The following SCPPPQ1 variants were observed in gnomAD, a reference collection of about 807,000 sequenced individuals.
SCPPPQ1 encodes the protein secretory calcium-binding phosphoprotein proline- and glutamine-rich 1.
At chr4:87,467,221 T>C in the SCPPPQ1 span, among the ~76,000 whole-genome samples, 2 of 152,188 alleles carry the variant, frequency 1.3e-5, no homozygotes, top group South Asian at 4.1e-4. Flanking sequence ...CTTATACTGT[T>C]TGTACCTCAA....
the SCPPPQ1 span, among the ~76,000 whole-genome samples, chr4:87,463,424 T>C: frequency 6.6e-6 from 1 of 152,114 alleles, no homozygotes; most frequent in African/African-American, 2.4e-5. Context: ...CCCTAGTTGG[T>C]TCAAAATAGC....
At chr4:87,465,783 G>A in the SCPPPQ1 span, among the ~76,000 whole-genome samples, 3 of 152,072 alleles carry the variant, frequency 2.0e-5, no homozygotes, top group Non-Finnish European at 4.4e-5. Flanking sequence ...TTAGAATCTA[G>A]TGGGTTCAAT....
chr4:87,464,846 C>T, the SCPPPQ1 span, among the ~76,000 whole-genome samples: 1 of 152,084 alleles, frequency 6.6e-6, no homozygotes, highest in African/African-American at 2.4e-5. Context: ...AAAACAACAA[C>T]AGAAAATCAT....
At chr4:87,461,247 G>A in the SCPPPQ1 span, among the ~76,000 whole-genome samples, 1 of 152,196 alleles carries the variant, frequency 6.6e-6, no homozygotes, top group Admixed American at 6.5e-5. Context: ...ATTTAGAAAG[G>A]TTGCCCGCAG....
the SCPPPQ1 span, among the ~76,000 whole-genome samples, chr4:87,465,557 T>A: frequency 8.6e-4 from 10 of 11,674 alleles, no homozygotes; most frequent in East Asian, 0.018. Flanking sequence ...AATAGAAATC[T>A]ACAAAAAAAA....
At chr4:87,468,441 C>T in the SCPPPQ1 span, among the ~76,000 whole-genome samples, 1 of 152,206 alleles carries the variant, frequency 6.6e-6, no homozygotes, top group Non-Finnish European at 1.5e-5. Flanking sequence ...TCTTCAAAAG[C>T]TCCTTTGATA....
the SCPPPQ1 span, among the ~76,000 whole-genome samples, chr4:87,464,278 A>G: frequency 6.6e-6 from 1 of 152,114 alleles, no homozygotes; most frequent in Non-Finnish European, 1.5e-5. Flanking sequence ...TATATATTTT[A>G]TATTAGCTTG....
the SCPPPQ1 span, among the ~76,000 whole-genome samples, chr4:87,469,933 C>T: frequency 3.4e-4 from 50 of 145,438 alleles, no homozygotes; most frequent in African/African-American, 1.1e-3. Context: ...CGTTTGTGAT[C>T]TCTACACACA....
chr4:87,467,298 C>A, the SCPPPQ1 span, among the ~76,000 whole-genome samples: 25 of 152,206 alleles, frequency 1.6e-4, no homozygotes, highest in Non-Finnish European at 2.1e-4. Flanking sequence ...AAAGGCAACT[C>A]TATTGTGTAT....
At chr4:87,469,947 C>CTTTTTT in the SCPPPQ1 span, among the ~76,000 whole-genome samples, 3 of 114,968 alleles carry the variant, frequency 2.6e-5, no homozygotes, top group Non-Finnish European at 3.6e-5. Flanking sequence ...ACACACAAAT[C>CTTTTTT]TTTTTTTTTT....
the SCPPPQ1 span, among the ~76,000 whole-genome samples, chr4:87,465,654 ATCCT>A: frequency 6.6e-6 from 1 of 151,446 alleles, no homozygotes; most frequent in Admixed American, 6.6e-5. Flanking sequence ...ACATTCACTC[ATCCT>A]TCCACCCATC....
chr4:87,464,192 A>G, the SCPPPQ1 span, among the ~76,000 whole-genome samples: 1 of 152,182 alleles, frequency 6.6e-6, no homozygotes, highest in South Asian at 2.1e-4. Flanking sequence ...TAAGATCATT[A>G]GGTGTGAGGA....
chr4:87,469,947 C>CT, the SCPPPQ1 span, among the ~76,000 whole-genome samples: 376 of 114,930 alleles, frequency 3.3e-3, no homozygotes, highest in South Asian at 4.0e-3. Flanking sequence ...ACACACAAAT[C>CT]TTTTTTTTTT....
the SCPPPQ1 span, among the ~76,000 whole-genome samples, chr4:87,463,194 A>C: frequency 1.6e-4 from 24 of 152,206 alleles, no homozygotes; most frequent in East Asian, 7.7e-4. Context: ...AGATCAGTTG[A>C]GGTTGACTCT....
At chr4:87,462,012 A>C in the SCPPPQ1 span, 1 of 152,198 alleles carries the variant, frequency 6.6e-6, no homozygotes, top group Non-Finnish European at 1.5e-5. Flanking sequence ...TTTCTGTCAA[A>C]ATAGATAATA....
the SCPPPQ1 span, among the ~76,000 whole-genome samples, chr4:87,464,692 G>T: frequency 1.3e-5 from 2 of 152,038 alleles, no homozygotes; most frequent in African/African-American, 4.8e-5. Flanking sequence ...ACAAAAATTA[G>T]CCCAGCGTGG....
chr4:87,466,528 C>T, the SCPPPQ1 span, among the ~76,000 whole-genome samples: 1 of 151,958 alleles, frequency 6.6e-6, no homozygotes, highest in Non-Finnish European at 1.5e-5. Context: ...CAAGTAAAAA[C>T]ATTAAAGGAG....
the SCPPPQ1 span, among the ~76,000 whole-genome samples, chr4:87,463,957 TCTTTA>T: frequency 2.6e-5 from 4 of 152,218 alleles, no homozygotes; most frequent in South Asian, 2.1e-4. Flanking sequence ...AAGGTGAATC[TCTTTA>T]CTTGTTGAGC....
At chr4:87,469,601 C>T in the SCPPPQ1 span, among the ~76,000 whole-genome samples, 2 of 152,136 alleles carry the variant, frequency 1.3e-5, no homozygotes, top group African/African-American at 4.8e-5. Flanking sequence ...CGGGGATGGG[C>T]AGAGCAGTGG....
Sources: gnomAD v4.1 joint callset for allele counts (sites outside exome capture counted in the v4.1 genomes callset) on GRCh38, gnomAD v4.1.1 for gene constraint, MANE v1.5 for transcripts, NCBI Gene and HGNC (gene_info 2026-07-23, HGNC 2026-07-21) for gene names.